Variants in TRPM1 observed in about 807,000 individuals in gnomAD.
TRPM1 encodes the protein transient receptor potential cation channel subfamily M member 1.
TRPM1 carries 113 observed loss-of-function variants against 149.4 expected under a neutral mutation model. The ratio of observed to expected loss-of-function variants is 0.76; its 90% CI spans 0.65 to 0.88. The LOEUF is 0.88. TRPM1 is among the 40% of genes least tolerant of loss of function. TRPM1 has a pLI of 0.00. For synonymous variants in TRPM1, 741 were observed against 759.5 expected (o/e 0.98, Z 0.40); for missense variants, 1,976 against 2,038.7 (o/e 0.97, Z 0.59).
Position 31,047,245 on chromosome 15 carries a change from GGTTGCTCTGTAAAA to G in TRPM1, c.1624-8_1629del, listed in dbSNP as rs763677632. On this transcript the variant is annotated splice_acceptor_variant and splice_polypyrimidine_tract_variant and coding_sequence_variant and intron_variant, in exon 15 of 28. Coordinates refer to ENST00000256552, the MANE Select transcript of TRPM1 (RefSeq NM_001252024.2). LOFTEE classifies it high-confidence loss of function. ...AGGCTGATGTGGTAATCAGGCGGAAGGTTGCTCTGTAAAAGAAGTCTGGTCTCAGGCCCTGTGAG... is the reference window on the plus strand; with the variant it reads ...AGGCTGATGTGGTAATCAGGCGGAAGGAAGTCTGGTCTCAGGCCCTGTGAG... 5.6e-6 allele frequency: 9 copies of G among 1,614,116 alleles called. No homozygotes were observed. Among genetic ancestry groups the G allele is most frequent in the Non-Finnish European group, 7.6e-6 (9 of 1,180,050 alleles).
At chr15:31,132,272 A>G (rs900167084) in intron 1 of TRPM1, among the ~76,000 whole-genome samples, 2 of 152,108 alleles carry the variant, frequency 1.3e-5, no homozygotes, top group Non-Finnish European at 2.9e-5. Flanking sequence ...AGGGGCCTCC[A>G]TCCCCCCGAG....
chr15:31,030,730 A>C (rs1033467130), intron 23 of TRPM1, among the ~76,000 whole-genome samples: 34 of 152,226 alleles, frequency 2.2e-4, no homozygotes, highest in African/African-American at 7.7e-4. Flanking sequence ...AACTGCATTC[A>C]TGTGACACGA....
At chr15:31,129,136 G>A (rs966247363) in intron 1 of TRPM1, among the ~76,000 whole-genome samples, 6 of 152,218 alleles carry the variant, frequency 3.9e-5, no homozygotes, top group African/African-American at 1.2e-4. Flanking sequence ...GCTGTTTTTG[G>A]ACAAGTGCTG....
intron 20 of TRPM1, among the ~76,000 whole-genome samples, chr15:31,037,085 G>A (rs1350505706): frequency 6.6e-5 from 10 of 152,226 alleles, no homozygotes; most frequent in Admixed American, 3.9e-4. Context: ...CACTGGGACC[G>A]CCTGCAGCTC....
intron 13 of TRPM1, among the ~76,000 whole-genome samples, chr15:31,048,171 G>A (rs150141508): frequency 0.011 from 1,738 of 152,250 alleles, 37 homozygotes; most frequent in African/African-American, 0.04. Flanking sequence ...GCTGAGGTTG[G>A]AGGATCACTT....
chr15:31,069,588 G>A, intron 4 of TRPM1: 2 of 1,248,424 alleles, frequency 1.6e-6, no homozygotes, highest in South Asian at 6.7e-5. Flanking sequence ...GCAAATGTGA[G>A]GGACCTTGGT....
chr15:31,052,471 G>A (rs2033971253), intron 11 of TRPM1, among the ~76,000 whole-genome samples: 2 of 152,000 alleles, frequency 1.3e-5, no homozygotes, highest in Admixed American at 1.3e-4. Flanking sequence ...ACATAAAATC[G>A]AAAACTACTA....
intron 1 of TRPM1, among the ~76,000 whole-genome samples, chr15:31,120,966 C>A (rs533547574): frequency 6.6e-6 from 1 of 152,100 alleles, no homozygotes; most frequent in Non-Finnish European, 1.5e-5. Context: ...CAGGGGCTCA[C>A]GCCTGTAATC....
chr15:31,003,035 T>C lies in TRPM1; in HGVS notation c.3665A>G (p.Asn1222Ser), dbSNP rs1424420256. The C allele has an allele frequency of 1.9e-6, 3 of 1,599,856 alleles. No homozygotes were observed. Residue 1222 changes from asparagine to serine, a missense_variant, in exon 28 of 28, where the codon AAT becomes AGT. Asn to Ser is a conservative substitution (Grantham distance 46, BLOSUM62 1). Coordinates refer to ENST00000256552, the MANE Select transcript of TRPM1 (RefSeq NM_001252024.2). ...ENMSMRLEEI[N>S]ERETFMKTSL... ...AGTTTTCATAAAAGTTTCTCTTTCA[T>C]TGATTTCTTCCAACCTCATTGACAT...
chr15:31,036,344 C>A (rs1454961481), intron 20 of TRPM1, among the ~76,000 whole-genome samples: 1 of 152,138 alleles, frequency 6.6e-6, no homozygotes, highest in Non-Finnish European at 1.5e-5. Flanking sequence ...GAAACTTAAG[C>A]TTCTGGGTCC....
intron 24 of TRPM1, 36 bp downstream of exon 24, chr15:31,029,335 C>A (rs2032948324): frequency 1.2e-6 from 2 of 1,605,592 alleles, no homozygotes; most frequent in Non-Finnish European, 1.7e-6. Flanking sequence ...AAAACACATT[C>A]CATAGACTAG....
At chr15:31,113,622 A>G (rs2035746138) in intron 1 of TRPM1, among the ~76,000 whole-genome samples, 1 of 152,130 alleles carries the variant, frequency 6.6e-6, no homozygotes, top group Non-Finnish European at 1.5e-5. Flanking sequence ...GTGTCATAGC[A>G]CTTTACTGTA....
chr15:31,102,860 G>T (rs2035543320), upstream of TRPM1, among the ~76,000 whole-genome samples: 1 of 152,236 alleles, frequency 6.6e-6, no homozygotes, highest in Non-Finnish European at 1.5e-5. Context: ...GGCGCACAAT[G>T]ACCGCAGCAG....
chr15:31,065,943 G>T, intron 7 of TRPM1, 133 bp downstream of exon 7: 1 of 1,097,342 alleles, frequency 9.1e-7, no homozygotes, highest in Non-Finnish European at 1.3e-6. Context: ...ATCTAGGTGA[G>T]TCATTTTCTG....
intron 1 of TRPM1, among the ~76,000 whole-genome samples, chr15:31,134,385 C>A (rs2141046026): frequency 6.6e-6 from 1 of 152,306 alleles, no homozygotes; most frequent in Middle Eastern, 3.4e-3. Context: ...TTTCAAGAAA[C>A]TGCAGGCACA....
chr15:31,088,561 C>G lies in TRPM1; in HGVS notation c.-83-7123G>C, dbSNP rs565680615. 1.1e-4 allele frequency among the ~76,000 whole-genome samples: 17 copies of G among 152,276 alleles called. No homozygotes were observed. The South Asian group carries it at 2.5e-3, about 22-fold the overall frequency. ...CTGTAACACTTGCTGCAAAAGTCTG[C>G]GGCTTCACTGCTGAAGTGAGCAAGG... is the stretch of plus-strand genomic sequence containing the variant. On this transcript the variant is annotated intron_variant, in intron 1 of 27. Transcript: ENST00000256552.
At chr15:31,018,989 G>A (rs1201268433) in intron 27 of TRPM1, among the ~76,000 whole-genome samples, 1 of 152,124 alleles carries the variant, frequency 6.6e-6, no homozygotes, top group East Asian at 1.9e-4. Context: ...ATCTTTTCAT[G>A]GGAAACAGTT....
intron 11 of TRPM1, among the ~76,000 whole-genome samples, chr15:31,051,923 C>G (rs539916017): frequency 2.8e-4 from 43 of 152,352 alleles, no homozygotes; most frequent in African/African-American, 9.4e-4. Flanking sequence ...GTTGTGCAAA[C>G]CAGAGAACTG....
At chr15:31,037,096 G>A (rs906198756) in intron 20 of TRPM1, among the ~76,000 whole-genome samples, 3 of 152,204 alleles carry the variant, frequency 2.0e-5, no homozygotes, top group East Asian at 1.9e-4. Flanking sequence ...CCTGCAGCTC[G>A]GCCATTTCCC....
Sources: allele counts gnomAD v4.1 joint callset (sites outside exome capture counted in the v4.1 genomes callset), GRCh38; gene constraint gnomAD v4.1.1; transcripts MANE v1.5; gene names NCBI Gene and HGNC (gene_info 2026-07-23, HGNC 2026-07-21).